Variants in RAPGEF6 observed in about 807,000 individuals in gnomAD.
The protein encoded by RAPGEF6 is PDZ domain containing guanine nucleotide exchange factor (GEF) 2.
Under a neutral mutation model 171.4 loss-of-function variants are expected in RAPGEF6, and 56 were observed. The ratio of observed to expected loss-of-function variants is 0.33; its 90% confidence interval spans 0.26 to 0.41. The LOEUF is 0.41. Ranked by LOEUF, RAPGEF6 falls within the 10% of genes least tolerant of loss-of-function variation. RAPGEF6 has a pLI of 1.00. For missense variants in RAPGEF6, 1,674 were observed against 1,921.4 expected (o/e 0.87, Z 2.41); for synonymous variants, 692 against 650.1 (o/e 1.06, Z -0.98).
At chr5:131,438,030 A>C (rs1752126765) in intron 24 of RAPGEF6, among the ~76,000 whole-genome samples, 1 of 151,922 alleles carries the variant, frequency 6.6e-6, no homozygotes. Context: ...TAGCCACCAA[A>C]CTAGTTGGGG....
intron 6 of RAPGEF6, among the ~76,000 whole-genome samples, chr5:131,534,554 C>T (rs1248354029): frequency 6.0e-5 from 9 of 149,266 alleles, no homozygotes; most frequent in Non-Finnish European, 1.3e-4. Context: ...GACTAGTTTT[C>T]TAAACATAAA....
intron 7 of RAPGEF6, among the ~76,000 whole-genome samples, chr5:131,520,469 C>T (rs995032770): frequency 3.3e-5 from 5 of 151,898 alleles, no homozygotes; most frequent in African/African-American, 1.2e-4. Flanking sequence ...TGAATTTTAC[C>T]TGTTTCCTTT....
chr5:131,570,795 T>G (rs566415179), intron 4 of RAPGEF6, among the ~76,000 whole-genome samples: 1 of 152,102 alleles, frequency 6.6e-6, no homozygotes, highest in African/African-American at 2.4e-5. Flanking sequence ...AGCCAAACAG[T>G]GGTTGTCTGA....
chr5:131,465,836 G>A (rs2149839394), intron 17 of RAPGEF6, among the ~76,000 whole-genome samples: 1 of 152,130 alleles, frequency 6.6e-6, no homozygotes, highest in South Asian at 2.1e-4. Flanking sequence ...TTTTGTATGT[G>A]TGTGATGACT....
At chr5:131,568,756 A>G (rs968947916) in intron 4 of RAPGEF6, among the ~76,000 whole-genome samples, 1 of 152,236 alleles carries the variant, frequency 6.6e-6, no homozygotes, top group African/African-American at 2.4e-5. Flanking sequence ...GCAAGAAAAG[A>G]CATTAAAGGC....
chr5:131,432,084 A>T (rs1338218992), intron 25 of RAPGEF6, among the ~76,000 whole-genome samples: 1 of 152,156 alleles, frequency 6.6e-6, no homozygotes. Flanking sequence ...CTATTTTTGT[A>T]TGGTCTGGAG....
chr5:131,497,264 GATATTAAACCTTTATCAGAT>G (rs1756698860), intron 12 of RAPGEF6, among the ~76,000 whole-genome samples: 1 of 152,094 alleles, frequency 6.6e-6, no homozygotes, highest in African/African-American at 2.4e-5. Flanking sequence ...ATGTATTTTG[GATATTAAACCTTTATCAGAT>G]ATATAATTTT....
rs1759349387 is a variant in RAPGEF6 at position 131,531,258 on chromosome 5, CAA to C, written c.496-9739_496-9738del. On this transcript the variant is annotated intron_variant, in intron 6 of 27. Transcript: ENST00000509018. ...TGCCTCTATTGTGCCTGTCTGTATG[CAA>C]GAGAACCATAAAAAATCTTAATAAA... Among the ~76,000 whole-genome samples the C allele has an allele frequency of 9.2e-5, 14 of 152,184 alleles. No individual in the cohort carries two copies. In the South Asian group the frequency reaches 2.9e-3, roughly 32 times the overall value.
Position 131,584,309 on chromosome 5 carries a change from T to C in RAPGEF6, c.281+8074A>G, listed in dbSNP as rs112860214. 6.4e-3 allele frequency among the ~76,000 whole-genome samples: 982 copies of C among 152,318 alleles called. 6 individuals carry two copies. Among genetic ancestry groups the C allele is most frequent in the African/African-American group, 0.022 (933 of 41,580 alleles). Reference sequence around the variant, plus strand: ...TAGAAAGATTCTTATAGAATAATAATGAAACTGCCTCTGCAAAGTTATAAC... The same window carrying C: ...TAGAAAGATTCTTATAGAATAATAACGAAACTGCCTCTGCAAAGTTATAAC... On this transcript the variant is annotated intron_variant, in intron 4 of 27. Transcript: ENST00000509018.
At chr5:131,615,640 C>G (rs1561609622) in intron 1 of RAPGEF6, among the ~76,000 whole-genome samples, 1 of 152,106 alleles carries the variant, frequency 6.6e-6, no homozygotes. Flanking sequence ...GTGGCTCACA[C>G]CTATAATCCC....
chr5:131,474,977 T>C (rs552664631), intron 16 of RAPGEF6, among the ~76,000 whole-genome samples: 1 of 152,344 alleles, frequency 6.6e-6, no homozygotes, highest in South Asian at 2.1e-4. Context: ...CTGCATCAAC[T>C]GCAGCAAGCT....
chr5:131,450,420 C>T (rs1752991352), intron 21 of RAPGEF6, among the ~76,000 whole-genome samples: 1 of 151,998 alleles, frequency 6.6e-6, no homozygotes, highest in African/African-American at 2.4e-5. Flanking sequence ...AATTTCTGAA[C>T]ATCTTGCTGG....
At chr5:131,593,144 T>C (rs1279241256) in intron 3 of RAPGEF6, among the ~76,000 whole-genome samples, 1 of 152,162 alleles carries the variant, frequency 6.6e-6, no homozygotes, top group Non-Finnish European at 1.5e-5. Flanking sequence ...AATCCACATA[T>C]AGTATCCATT....
chr5:131,562,026 T>C lies in RAPGEF6; in HGVS notation c.303A>G (p.Gly101=). Reference sequence around the variant, plus strand: ...ATACAAGACAATCACATCCTCTTTTTCCTCCAAACTGCTTACCAAAACTAT... The same window carrying C: ...ATACAAGACAATCACATCCTCTTTTCCCTCCAAACTGCTTACCAAAACTAT... ...PPCSFGKQFG[G]KRGCDCLVLE... The change falls in exon 5 of 28, where the codon GGA becomes GGG. Residue 101 remains glycine, a synonymous_variant. Transcript: ENST00000509018. 1 of 1,589,094 alleles carries C rather than the reference T, an allele frequency of 6.3e-7. No individual in the cohort carries two copies. Among genetic ancestry groups the C allele is most frequent in the Non-Finnish European group, 8.6e-7 (1 of 1,169,360 alleles).
In RAPGEF6 at chr5:131,634,945, A is replaced by C; in HGVS notation, c.69+17T>G. On this transcript the variant is annotated intron_variant, in intron 1 of 27. Transcript: ENST00000509018. ...CTACTGGACTGTGAGACGCACATAAAGGTCAACCAGCCTCACCTCGGGAGT... is the reference window on the plus strand; with the variant it reads ...CTACTGGACTGTGAGACGCACATAACGGTCAACCAGCCTCACCTCGGGAGT... The C allele has an allele frequency of 6.2e-7, 1 of 1,614,040 alleles. No individual in the cohort carries two copies. Among genetic ancestry groups the C allele is most frequent in the Non-Finnish European group, 8.5e-7 (1 of 1,179,902 alleles).
rs557270191 is a variant in RAPGEF6, at chr5:131,601,370, A to G, written c.197+1901T>C. ...ATTGCACTCCAGCCTCAGTGACAAG[A>G]GCGAGACTCCGTCTCAAAAAAAAAA... On this transcript the variant is annotated intron_variant, in intron 3 of 27. Transcript: ENST00000509018. 2.0e-5 allele frequency among the ~76,000 whole-genome samples: 3 copies of G among 147,252 alleles called. No homozygotes were observed. In the East Asian group the frequency reaches 6.0e-4, roughly 30 times the overall value.
chr5:131,595,457 G>A (rs139993235), intron 3 of RAPGEF6, among the ~76,000 whole-genome samples: 45 of 152,256 alleles, frequency 3.0e-4, no homozygotes, highest in African/African-American at 9.4e-4. Context: ...TTATGACAGC[G>A]TGAGAATGGA....
chr5:131,467,840 TG>T (rs1321255524), intron 17 of RAPGEF6, among the ~76,000 whole-genome samples: 6 of 152,070 alleles, frequency 3.9e-5, no homozygotes, highest in Non-Finnish European at 1.5e-5. Context: ...AAAACCAGCC[TG>T]GGGAACATGG....
chr5:131,585,651 C>G (rs1010197826), intron 4 of RAPGEF6, among the ~76,000 whole-genome samples: 4 of 152,062 alleles, frequency 2.6e-5, no homozygotes, highest in African/African-American at 9.7e-5. Flanking sequence ...GATGGTGAAA[C>G]CCCGTCTCTA....
Sources: allele counts gnomAD v4.1 joint callset (sites outside exome capture counted in the v4.1 genomes callset), GRCh38; gene constraint gnomAD v4.1.1; transcripts MANE v1.5; gene names NCBI Gene and HGNC (gene_info 2026-07-23, HGNC 2026-07-21).